Variants in WNT7B observed in about 807,000 individuals in gnomAD.
The protein encoded by WNT7B is Wnt family member 7B.
A neutral mutation model predicts 38.2 loss-of-function variants in WNT7B; 19 were observed. That is an observed-to-expected ratio of 0.50 (90% CI 0.35 to 0.73). The LOEUF is 0.73. WNT7B is among the 30% of genes least tolerant of loss of function. The pLI is 0.01. For missense variants in WNT7B, 423 were observed against 507.9 expected, an observed-to-expected ratio of 0.83 and a Z score of 1.61; for synonymous variants, 243 against 209.3, an observed-to-expected ratio of 1.16 and a Z score of -1.39.
Position 45,931,116 on chromosome 22 carries a change from G to A in WNT7B, c.552C>T (p.Asn184=), listed in dbSNP as rs1365181406. ...KNARRLMNLH[N]NEAGRKVLED... ...ACCCTACCTTCCTGCCGGCCTCATT[G>A]TTATGCAGGTTCATGAGGCGCCGCG... The change falls in exon 3 of 4, where the codon AAC becomes AAT. Residue 184 remains asparagine, a synonymous_variant. Coordinates refer to ENST00000339464, the MANE Select transcript of WNT7B (RefSeq NM_058238.3). 9 of 1,586,630 alleles carry A rather than the reference G, an allele frequency of 5.7e-6. No homozygotes were observed. The Admixed American group carries it at 6.7e-5, about 12-fold the overall frequency.
intron 1 of WNT7B, among the ~76,000 whole-genome samples, chr22:45,968,030 C>T (rs964780634): frequency 3.9e-5 from 6 of 152,108 alleles, no homozygotes; most frequent in African/African-American, 1.4e-4. Flanking sequence ...GGGAAACAGC[C>T]TCTTCTCTGG....
At chr22:45,944,259 G>T (rs10453454) in intron 2 of WNT7B, among the ~76,000 whole-genome samples, 1 of 152,212 alleles carries the variant, frequency 6.6e-6, no homozygotes, top group Non-Finnish European at 1.5e-5. Context: ...AGGTGGCCTC[G>T]GAGGGGCCAT....
chr22:45,943,746 A>G (rs1484824992), intron 2 of WNT7B, among the ~76,000 whole-genome samples: 1 of 152,190 alleles, frequency 6.6e-6, no homozygotes, highest in Non-Finnish European at 1.5e-5. Context: ...ATGTGTAGAC[A>G]ACAGGACCTG....
At chr22:45,927,569 T>G (rs1347691796) in intron 3 of WNT7B, 3 of 1,236,214 alleles carry the variant, frequency 2.4e-6, no homozygotes, top group South Asian at 2.6e-5. Flanking sequence ...GTTGTCCAAG[T>G]AGGCCCTAAA....
At chr22:45,948,062 C>T (rs1024133411) in intron 2 of WNT7B, among the ~76,000 whole-genome samples, 11 of 152,246 alleles carry the variant, frequency 7.2e-5, no homozygotes, top group Non-Finnish European at 1.6e-4. Flanking sequence ...TCCACGTCTG[C>T]CCCTCTCCTG....
At position 45,920,759 on chromosome 22, in the gene WNT7B, AGGGATGG is replaced by A. The variant is rs1048764358; in HGVS notation, c.*2090_*2096del. 8.6e-6 allele frequency: 1 copy of A among 116,532 alleles called. No homozygotes were observed. Among genetic ancestry groups the A allele is most frequent in the African/African-American group, 3.3e-5 (1 of 30,350 alleles). 7.2% of individuals were successfully genotyped at this position (116,532 alleles called of 1,614,324 possible). ...GAGGGATGGGATGGGATGGGGGATGAGGGATGGGGGCCGCAGCCATCCCCCTCTCCGG... is the reference window on the plus strand; with the variant it reads ...GAGGGATGGGATGGGATGGGGGATGAGGGCCGCAGCCATCCCCCTCTCCGG... On this transcript the variant is annotated 3_prime_UTR_variant, in exon 4 of 4. Coordinates refer to ENST00000339464, the MANE Select transcript of WNT7B (RefSeq NM_058238.3).
At chr22:45,973,952 A>G (rs867161033) in intron 1 of WNT7B, among the ~76,000 whole-genome samples, 40 of 152,068 alleles carry the variant, frequency 2.6e-4, no homozygotes, top group African/African-American at 9.7e-4. Context: ...TACCCCATCC[A>G]TGCATACAAC....
chr22:45,927,622 G>A, intron 3 of WNT7B: 1 of 838,654 alleles, frequency 1.2e-6, no homozygotes, highest in South Asian at 1.4e-5. Context: ...AGGGCCAGGT[G>A]CAGTGGCTCA....
chr22:45,925,435 C>T (rs1459834983), intron 3 of WNT7B: 7 of 985,134 alleles, frequency 7.1e-6, no homozygotes, highest in Non-Finnish European at 7.2e-6. Context: ...GGGAGGAGCC[C>T]GGGTGTCCTG....
chr22:45,955,305 G>C (rs1932033078), intron 1 of WNT7B, among the ~76,000 whole-genome samples: 2 of 152,234 alleles, frequency 1.3e-5, no homozygotes, highest in African/African-American at 4.8e-5. Context: ...GACTGGGATG[G>C]GCCCTCCTTA....
At chr22:45,936,040 T>C (rs1238701801) in intron 2 of WNT7B, 1 of 985,078 alleles carries the variant, frequency 1.0e-6, no homozygotes, top group East Asian at 1.1e-4. Context: ...TCCAGCAGTA[T>C]CCCTAGAAAA....
In WNT7B at chr22:45,923,207, G is replaced by C. The variant is rs374174469; in HGVS notation, c.699C>G (p.Asn233Lys). 1 of 1,613,008 alleles carries C rather than the reference G, an allele frequency of 6.2e-7. No individual in the cohort carries two copies. The highest frequency in any genetic ancestry group is 8.5e-7 in the Non-Finnish European group (1 of 1,180,020). Reference sequence around the variant, plus strand: ...GCACCACCTCCACCTGCACGGCCGCGTTGTACTTCTCCTTCAGCAGGTGGC... The same window carrying C: ...GCACCACCTCCACCTGCACGGCCGCCTTGTACTTCTCCTTCAGCAGGTGGC... ...EVGHLLKEKY[N>K]AAVQVEVVRA... The change falls in exon 4 of 4, where the codon AAC becomes AAG. Residue 233 changes from asparagine to lysine, a missense_variant. This residue lies in a region of WNT7B where 158 missense variants were observed against 214.7 expected (regional missense o/e 0.74). Coordinates refer to ENST00000339464, the MANE Select transcript of WNT7B (RefSeq NM_058238.3).
At position 45,976,764 on chromosome 22, in the gene WNT7B, A is replaced by T. The variant is rs1569128645; in HGVS notation, c.-10T>A. 3 of 1,603,852 alleles carry T rather than the reference A, an allele frequency of 1.9e-6. No individual in the cohort carries two copies. Among genetic ancestry groups the T allele is most frequent in the Admixed American group, 1.7e-5 (1 of 59,614 alleles). ...GAAAGTTTCTGTGCATGATCCAGGG[A>T]GGGGGGCTGCGCCATAGACAGCGGC... On this transcript the variant is annotated 5_prime_UTR_variant, in exon 1 of 4. Coordinates refer to ENST00000339464, the MANE Select transcript of WNT7B (RefSeq NM_058238.3). The surrounding 1 kb of genome is among the most constrained non-coding windows in gnomAD (Gnocchi z 8.5).
chr22:45,944,038 C>T (rs749615141), intron 2 of WNT7B, among the ~76,000 whole-genome samples: 37 of 152,144 alleles, frequency 2.4e-4, no homozygotes, highest in Non-Finnish European at 3.7e-4. Flanking sequence ...AGAGTCCCAG[C>T]CCCCACCTCG....
At position 45,921,514 on chromosome 22, in the gene WNT7B, G is replaced by T. The variant is rs1291220950; in HGVS notation, c.*1342C>A. 9 of 152,194 alleles carry T rather than the reference G, an allele frequency of 5.9e-5. No individual in the cohort carries two copies. The highest frequency in any genetic ancestry group is 5.2e-4 in the Admixed American group (8 of 15,280). 9.4% of individuals were successfully genotyped at this position (152,194 alleles called of 1,614,324 possible). On this transcript the variant is annotated 3_prime_UTR_variant, in exon 4 of 4. Coordinates refer to ENST00000339464, the MANE Select transcript of WNT7B (RefSeq NM_058238.3). ...TGGAAGCCTCCAGTCACAGCTGCAG[G>T]GTCTCTGGTAGGTCCTTGTGCCACT...
In WNT7B at chr22:45,965,065, C is replaced by T. The variant is rs1932282168; in HGVS notation, c.71+11619G>A. The stretch of plus-strand genomic sequence containing the variant: ...CTCCCCAGACCCGAGATCACTGCCT[C>T]CGGCCCCGCCCCCACCTCACCTTCC... On this transcript the variant is annotated intron_variant, in intron 1 of 3. Coordinates refer to ENST00000339464, the MANE Select transcript of WNT7B (RefSeq NM_058238.3). This position sits in a 1 kb window ranked among gnomAD's most constrained non-coding sequence, Gnocchi z 6.5. Among the ~76,000 whole-genome samples the T allele has an allele frequency of 6.6e-6, 1 of 152,178 alleles. No homozygotes were observed. Among genetic ancestry groups the T allele is most frequent in the African/African-American group, 2.4e-5 (1 of 41,436 alleles).
intron 1 of WNT7B, among the ~76,000 whole-genome samples, chr22:45,968,783 C>G (rs1049064009): frequency 1.3e-5 from 2 of 152,188 alleles, no homozygotes; most frequent in Non-Finnish European, 2.9e-5. Flanking sequence ...GATTTCCCAG[C>G]TTGAACCCCA....
chr22:45,951,423 C>CCATTTTTGGTTCTGTACA lies in WNT7B; in HGVS notation c.72-1278_72-1277insTGTACAGAACCAAAAATG, dbSNP rs1297679589. On this transcript the variant is annotated intron_variant, in intron 1 of 3. Transcript: ENST00000339464. The surrounding 1 kb of genome is among the most constrained non-coding windows in gnomAD (Gnocchi z 4.8). ...TGAAATTCCCATAACATAAAATGAA[C>CCATTTTTGGTTCTGTACA]CATTTTGAAGTGTACAGTTCTGTGG... is the stretch of plus-strand genomic sequence containing the variant. Among the ~76,000 whole-genome samples the CCATTTTTGGTTCTGTACA allele has an allele frequency of 6.6e-6, 1 of 151,922 alleles. No individual in the cohort carries two copies. The highest frequency in any genetic ancestry group is 6.6e-5 in the Admixed American group (1 of 15,250).
intron 2 of WNT7B, among the ~76,000 whole-genome samples, chr22:45,942,553 G>A (rs908907851): frequency 3.9e-5 from 6 of 152,354 alleles, no homozygotes; most frequent in African/African-American, 1.4e-4. Context: ...CAGAGCCCTC[G>A]CCTGCCTGGC....
Sources: allele counts gnomAD v4.1 joint callset (sites outside exome capture counted in the v4.1 genomes callset), GRCh38; gene constraint gnomAD v4.1.1; regional missense constraint gnomAD v4.1.1; non-coding constraint Gnocchi (gnomAD v3.1); transcripts MANE v1.5; gene names NCBI Gene and HGNC (gene_info 2026-07-23, HGNC 2026-07-21).